Variants in BLK observed in about 807,000 individuals in gnomAD.
BLK encodes the protein tyrosine-protein kinase Blk.
A neutral mutation model predicts 61.8 loss-of-function variants in BLK; 64 were observed. The observed-to-expected ratio is 1.03, with a 90% confidence interval of 0.85 to 1.27. The LOEUF (loss-of-function observed/expected upper bound fraction) is 1.27. Ranked by LOEUF, BLK falls within the 50% of genes most tolerant of loss-of-function variation. The pLI, the probability that BLK is intolerant of heterozygous loss-of-function variation, is 0.00. For synonymous variants in BLK, 351 were observed against 272.0 expected, an observed-to-expected ratio of 1.29 and a Z score of -2.86; for missense variants, 853 against 660.5, an observed-to-expected ratio of 1.29 and a Z score of -3.19.
intron 1 of BLK, among the ~76,000 whole-genome samples, chr8:11,514,920 G>T (rs1487556340): frequency 6.6e-6 from 1 of 152,108 alleles, no homozygotes; most frequent in East Asian, 1.9e-4. Context: ...AAATCTAGGA[G>T]TCACTGACCT....
At chr8:11,559,568 C>T (rs1239466512) in intron 10 of BLK, among the ~76,000 whole-genome samples, 1 of 152,162 alleles carries the variant, frequency 6.6e-6, no homozygotes, top group African/African-American at 2.4e-5. Context: ...CAGACACACA[C>T]CCGGCCCTTC....
chr8:11,509,010 G>A (rs575375002), intron 1 of BLK: 1 of 152,208 alleles, frequency 6.6e-6, no homozygotes, highest in African/African-American at 2.4e-5. Flanking sequence ...AGCCTGTGGG[G>A]AGCAAGCAGG....
chr8:11,530,930 T>A (rs1453348924), intron 1 of BLK, among the ~76,000 whole-genome samples: 1 of 152,210 alleles, frequency 6.6e-6, no homozygotes, highest in African/African-American at 2.4e-5. Context: ...CCAAATTGTT[T>A]CCTAAAGTTG....
At chr8:11,550,078 G>T in intron 5 of BLK, 81 bp from the exon 6 acceptor site, 1 of 1,220,526 alleles carries the variant, frequency 8.2e-7, no homozygotes. Flanking sequence ...TTGGGGACAG[G>T]CAGTGCAGGA....
At position 11,564,463 on chromosome 8, in the gene BLK, C is replaced by T. The variant is rs1220913947; in HGVS notation, c.*355C>T. Reference sequence around the variant, plus strand: ...CCCCGTGCTGGCCGCGTCCCCGCCTCTGCGCCCTGCGTGGACCCCGCCCTG... The same window carrying T: ...CCCCGTGCTGGCCGCGTCCCCGCCTTTGCGCCCTGCGTGGACCCCGCCCTG... On this transcript the variant is annotated 3_prime_UTR_variant, in exon 13 of 13. Transcript: ENST00000259089. 1 of 545,196 alleles carries T rather than the reference C, an allele frequency of 1.8e-6. No individual in the cohort carries two copies. Among genetic ancestry groups the T allele is most frequent in the African/African-American group, 1.9e-5 (1 of 53,342 alleles). The allele number at this position is 545,196 out of a possible 1,614,324, so 33.8% of individuals were successfully genotyped here.
chr8:11,555,546 C>A (rs972709896), intron 8 of BLK, 62 bp downstream of exon 8: 3 of 1,608,668 alleles, frequency 1.9e-6, no homozygotes, highest in Non-Finnish European at 2.5e-6. Flanking sequence ...CATCCTGAGT[C>A]CAGGTTCAGC....
At chr8:11,536,686 A>G (rs1390872023) in intron 1 of BLK, among the ~76,000 whole-genome samples, 1 of 152,230 alleles carries the variant, frequency 6.6e-6, no homozygotes, top group Non-Finnish European at 1.5e-5. Flanking sequence ...GATTACAGGC[A>G]TGAACCACTG....
intron 3 of BLK, among the ~76,000 whole-genome samples, 198 bp downstream of exon 3, chr8:11,546,301 G>T (rs1304362675): frequency 6.6e-6 from 1 of 152,194 alleles, no homozygotes; most frequent in East Asian, 1.9e-4. Flanking sequence ...CAGTATGCCT[G>T]AGCCTGGGTG....
chr8:11,510,814 T>C (rs1280840421), intron 1 of BLK, among the ~76,000 whole-genome samples: 2 of 144,006 alleles, frequency 1.4e-5, no homozygotes, highest in African/African-American at 5.0e-5. Context: ...AATAAATAAA[T>C]AAATACATAA....
At chr8:11,510,858 A>C (rs1468161012) in intron 1 of BLK, among the ~76,000 whole-genome samples, 4 of 152,140 alleles carry the variant, frequency 2.6e-5, no homozygotes, top group African/African-American at 9.7e-5. Flanking sequence ...AGTTGCTTCT[A>C]TTTCTACTTT....
chr8:11,562,205 C>A (rs1585424606), intron 11 of BLK, among the ~76,000 whole-genome samples: 1 of 152,180 alleles, frequency 6.6e-6, no homozygotes, highest in East Asian at 1.9e-4. Flanking sequence ...GTGCGATCAG[C>A]AAACCAACCT....
At chr8:11,546,605 C>T (rs1206165884) in intron 3 of BLK, among the ~76,000 whole-genome samples, 1 of 152,098 alleles carries the variant, frequency 6.6e-6, no homozygotes, top group South Asian at 2.1e-4. Flanking sequence ...GACAGAGTCT[C>T]GCTCTTGTCA....
chr8:11,522,423 G>C (rs1045673638), intron 1 of BLK, among the ~76,000 whole-genome samples: 1 of 152,190 alleles, frequency 6.6e-6, no homozygotes, highest in African/African-American at 2.4e-5. Context: ...GATGATAAAT[G>C]GGTTCGATCG....
At chr8:11,558,522 C>A in intron 10 of BLK, 1 of 402,174 alleles carries the variant, frequency 2.5e-6, no homozygotes. Context: ...CAGGCCTGAG[C>A]TACACACAGA....
At chr8:11,553,730 G>A (rs995367012) in intron 6 of BLK, 9 of 161,022 alleles carry the variant, frequency 5.6e-5, no homozygotes, top group Non-Finnish European at 1.2e-4. Flanking sequence ...GTGTGGAGGG[G>A]CTGTGGCAAC....
intron 1 of BLK, among the ~76,000 whole-genome samples, chr8:11,511,733 A>G (rs990745262): frequency 2.0e-5 from 3 of 152,180 alleles, no homozygotes; most frequent in African/African-American, 7.2e-5. Flanking sequence ...AAAGGAGAAA[A>G]TTATATTTTC....
intron 3 of BLK, among the ~76,000 whole-genome samples, chr8:11,547,240 C>G (rs764759561): frequency 4.9e-4 from 75 of 152,382 alleles, no homozygotes; most frequent in Admixed American, 9.1e-4. Flanking sequence ...CAGGGAACCA[C>G]TGTCACCCAT....
At chr8:11,528,088 G>A (rs1799739162) in intron 1 of BLK, among the ~76,000 whole-genome samples, 1 of 152,184 alleles carries the variant, frequency 6.6e-6, no homozygotes, top group Non-Finnish European at 1.5e-5. Flanking sequence ...CGAGGCTGGA[G>A]TTCAATGGCG....
At chr8:11,511,049 C>T (rs1004580372) in intron 1 of BLK, among the ~76,000 whole-genome samples, 1 of 152,220 alleles carries the variant, frequency 6.6e-6, no homozygotes, top group Non-Finnish European at 1.5e-5. Flanking sequence ...GTTAATTGTT[C>T]TTTCCTGCTA....
Sources: allele counts gnomAD v4.1 joint callset (sites outside exome capture counted in the v4.1 genomes callset), GRCh38; gene constraint gnomAD v4.1.1; transcripts MANE v1.5; gene names NCBI Gene and HGNC (gene_info 2026-07-23, HGNC 2026-07-21).